Variants in CARS2 observed in about 807,000 individuals in gnomAD.
CARS2 encodes cysteinyl-tRNA synthetase 2, mitochondrial, also known as probable cysteine--tRNA ligase, mitochondrial.
A neutral mutation model predicts 68.8 loss-of-function variants in CARS2; 52 were observed. That is an observed-to-expected ratio of 0.76 (90% CI 0.61 to 0.95). The LOEUF (loss-of-function observed/expected upper bound fraction) is 0.95. Ranked by LOEUF, CARS2 falls within the 40% of genes least tolerant of loss-of-function variation. The probability of loss-of-function intolerance (pLI) is 0.00; values close to 1 mark genes in which losing one functional copy is unlikely to be tolerated. For synonymous variants in CARS2, 314 were observed against 303.6 expected, an observed-to-expected ratio of 1.03 and a Z score of -0.36; for missense variants, 780 against 754.2, an observed-to-expected ratio of 1.03 and a Z score of -0.40.
intron 13 of CARS2, chr13:110,644,016 C>T: frequency 1.0e-6 from 1 of 956,588 alleles, no homozygotes; most frequent in Non-Finnish European, 1.4e-6. Context: ...CAAGGGGGCT[C>T]AGGTCGCCAA....
At chr13:110,704,584 C>T (rs751200350) in intron 2 of CARS2, among the ~76,000 whole-genome samples, 12 of 151,990 alleles carry the variant, frequency 7.9e-5, no homozygotes, top group African/African-American at 1.5e-4. Flanking sequence ...ATTAGCCGGG[C>T]GTGGTGGTAC....
At chr13:110,713,087 C>T (rs112587620) in intron 1 of CARS2, 214 of 1,441,910 alleles carry the variant, frequency 1.5e-4, no homozygotes, top group Non-Finnish European at 1.7e-4. Flanking sequence ...CCTTCCGCCT[C>T]CCGGAGGACT....
At chr13:110,685,992 GAA>G (rs10668818) in intron 5 of CARS2, among the ~76,000 whole-genome samples, 1 of 128,810 alleles carries the variant, frequency 7.8e-6, no homozygotes, top group African/African-American at 3.0e-5. Flanking sequence ...CAGAAAAAAT[GAA>G]AAAAAAAAAA....
At chr13:110,713,333 C>T in exon 1 of CARS2, 2 of 1,123,912 alleles carry the variant, frequency 1.8e-6, no homozygotes, top group Non-Finnish European at 2.2e-6. Context: ...TCCCGCGGCC[C>T]GTTAGGTCCT....
chr13:110,690,757 G>C (rs937297101), intron 3 of CARS2, among the ~76,000 whole-genome samples: 6 of 152,230 alleles, frequency 3.9e-5, no homozygotes, highest in African/African-American at 9.6e-5. Context: ...TTCCAGGAAA[G>C]CTGTGCCAGC....
chr13:110,679,654 G>T (rs2063097298), intron 6 of CARS2, among the ~76,000 whole-genome samples: 2 of 103,470 alleles, frequency 1.9e-5, no homozygotes, highest in African/African-American at 8.7e-5. Flanking sequence ...CGTGACCGGA[G>T]GGAGGGAGGG....
In CARS2 at chr13:110,642,257, G is replaced by A. The variant is rs548268562; in HGVS notation, c.1623+58C>T. 4.8e-4 allele frequency: 655 copies of A among 1,366,854 alleles called. 1 individual carries two copies. The African/African-American group carries it at 7.7e-3, about 16-fold the overall frequency. 84.7% of individuals were successfully genotyped at this position (1,366,854 alleles called of 1,614,324 possible). ...ATGTCTGGGCCTCTGATGGCCCCAC[G>A]TCCTGTTGACCTACCCGGCTCCTGG... On this transcript the variant is annotated intron_variant, in intron 14 of 14. Coordinates refer to ENST00000257347, the MANE Select transcript of CARS2 (RefSeq NM_024537.4).
rs1035511055 is a variant in CARS2, at chr13:110,653,835, T to C, written c.988-2735A>G. ...TGACAATGATGTGAAAACTCTTGAA[T>C]ACTGTGGGTGCACACGGACATTAAT... On this transcript the variant is annotated intron_variant, in intron 9 of 14. Transcript: ENST00000257347. The surrounding 1 kb of genome is among the most constrained non-coding windows in gnomAD (Gnocchi z 5.6). Among the ~76,000 whole-genome samples the C allele has an allele frequency of 6.6e-6, 1 of 152,262 alleles. No individual in the cohort carries two copies. The highest frequency in any genetic ancestry group is 1.5e-5 in the Non-Finnish European group (1 of 68,044).
Position 110,687,968 on chromosome 13 carries a change from C to T in CARS2, c.444G>A (p.Lys148=), listed in dbSNP as rs2139860984. 1.2e-6 allele frequency: 2 copies of T among 1,612,928 alleles called. No homozygotes were observed. Among genetic ancestry groups the T allele is most frequent in the Admixed American group, 1.7e-5 (1 of 60,004 alleles). ...SLASLYEEDF[K]QDMAALKVLP... is the part of the protein sequence containing the mutation. ...TTACCTTCAGGGCTGCCATGTCCTG[C>T]TTGAAGTCTTCCTCATAAAGACTGG... Residue 148 remains lysine, a synonymous_variant, in exon 4 of 15, where the codon AAG becomes AAA. Transcript: ENST00000257347.
chr13:110,646,007 A>C lies in CARS2; in HGVS notation c.1277T>G (p.Leu426Arg), dbSNP rs202162305. 6.2e-7 allele frequency: 1 copy of C among 1,613,938 alleles called. No homozygotes were observed. Among genetic ancestry groups the C allele is most frequent in the East Asian group, 2.2e-5 (1 of 44,832 alleles). ...TPRVVDAILG[L>R]AHHGNGQLRA... ...GAGCTGTCCATTCCCGTGGTGTGCA[A>C]GGCCCAGGATGGCATCAACCACCCT... The change falls in exon 12 of 15, where the codon CTT becomes CGT. Residue 426 changes from leucine (L) to arginine (R), a missense_variant. Physicochemically the swap from Leu to Arg is moderately radical, Grantham distance 102. Coordinates refer to ENST00000257347, the MANE Select transcript of CARS2 (RefSeq NM_024537.4).
At chr13:110,686,122 C>A (rs1017499139) in intron 5 of CARS2, among the ~76,000 whole-genome samples, 7 of 151,968 alleles carry the variant, frequency 4.6e-5, no homozygotes, top group Non-Finnish European at 7.4e-5. Flanking sequence ...AGAGAGGACA[C>A]GCGAAGCTAG....
chr13:110,642,323 T>G lies in CARS2; in HGVS notation c.1615A>C (p.Asn539His). Residue 539 changes from asparagine (N) to histidine (H), a missense_variant, in exon 14 of 15, where the codon AAC (asparagine) becomes CAC (histidine). Asn to His is a moderately conservative substitution (Grantham distance 68, BLOSUM62 1). Coordinates refer to ENST00000257347, the MANE Select transcript of CARS2 (RefSeq NM_024537.4). ...LRRGLTAHGI[N>H]IKDRSSTTST... ...CTTGGTGCGGCACTCACCTTGATGT[T>G]GATGCCGTGGGCAGTCAGGCCCCGG... 2 of 1,549,752 alleles carry G rather than the reference T, an allele frequency of 1.3e-6. No homozygotes were observed. The highest frequency in any genetic ancestry group is 1.7e-6 in the Non-Finnish European group (2 of 1,146,358).
intron 5 of CARS2, among the ~76,000 whole-genome samples, chr13:110,683,518 A>T (rs985296226): frequency 1.3e-5 from 2 of 152,246 alleles, no homozygotes; most frequent in African/African-American, 2.4e-5. Flanking sequence ...GAAAACACAA[A>T]TGTAAGTTCT....
At chr13:110,693,719 T>C (rs2063541648) in intron 3 of CARS2, among the ~76,000 whole-genome samples, 1 of 151,976 alleles carries the variant, frequency 6.6e-6, no homozygotes, top group African/African-American at 2.4e-5. Flanking sequence ...ATATGATCAT[T>C]CCTCATACCG....
intron 3 of CARS2, among the ~76,000 whole-genome samples, chr13:110,693,704 G>A (rs1258074557): frequency 2.6e-5 from 4 of 152,016 alleles, no homozygotes; most frequent in Non-Finnish European, 5.9e-5. Context: ...CATTTAACCT[G>A]AAACATATGA....
At position 110,706,070 on chromosome 13, in the gene CARS2, T is replaced by A. The variant is rs1398511016; in HGVS notation, c.24A>T (p.Pro8=). MLRTTRG[P]GLGPPLLQAA... is the part of the protein sequence containing the mutation. ...CCTGGAGCAGCGGGGGGCCCAGGCC[T>A]GGGCCGCGCGTAGTCCTCAACATGT... The change falls in exon 1 of 15, where the codon CCA becomes CCT. Residue 8 remains proline (P), a synonymous_variant. Coordinates refer to ENST00000257347, the MANE Select transcript of CARS2 (RefSeq NM_024537.4). 2.2e-6 allele frequency: 3 copies of A among 1,336,746 alleles called. No individual in the cohort carries two copies. Among genetic ancestry groups the A allele is most frequent in the East Asian group, 3.3e-5 (1 of 30,506 alleles). 82.8% of individuals were successfully genotyped at this position (1,336,746 alleles called of 1,614,324 possible).
chr13:110,657,044 G>A (rs1287838339), intron 9 of CARS2, among the ~76,000 whole-genome samples: 1 of 152,062 alleles, frequency 6.6e-6, no homozygotes, highest in African/African-American at 2.4e-5. Flanking sequence ...GAAGCCTTAA[G>A]TTTTACTCAA....
chr13:110,656,514 C>T (rs1161690479), intron 9 of CARS2, among the ~76,000 whole-genome samples: 1 of 152,062 alleles, frequency 6.6e-6, no homozygotes. Flanking sequence ...AGTAGATGAG[C>T]GGCTGTCGGG....
intron 3 of CARS2, among the ~76,000 whole-genome samples, chr13:110,695,966 C>A (rs2063613108): frequency 6.6e-6 from 1 of 152,066 alleles, no homozygotes; most frequent in Admixed American, 6.6e-5. Context: ...GTGTGATGTT[C>A]CCCTCCCTGT....
Sources: allele counts gnomAD v4.1 joint callset (sites outside exome capture counted in the v4.1 genomes callset), GRCh38; gene constraint gnomAD v4.1.1; non-coding constraint Gnocchi (gnomAD v3.1); transcripts MANE v1.5; gene names NCBI Gene and HGNC (gene_info 2026-07-23, HGNC 2026-07-21).